VCL: variants seen among roughly 807,000 people sequenced by gnomAD.
The protein encoded by VCL is epididymis luminal protein 114.
A neutral mutation model predicts 125.7 loss-of-function variants in VCL; 47 were observed. The ratio of observed to expected loss-of-function variants is 0.37; its 90% confidence interval spans 0.30 to 0.48. The LOEUF is 0.48. VCL is among the 20% of genes least tolerant of loss of function. The pLI is 0.99. For synonymous variants in VCL, 458 were observed against 514.6 expected, an observed-to-expected ratio of 0.89 and a Z score of 1.49; for missense variants, 1,069 against 1,455.5, an observed-to-expected ratio of 0.73 and a Z score of 4.32.
chr10:74,090,317 A>G, intron 10 of VCL, 119 bp downstream of exon 10: 1 of 1,122,226 alleles, frequency 8.9e-7, no homozygotes, highest in Middle Eastern at 2.8e-4. Context: ...CCCCTAGGTT[A>G]AATGCACTTA....
chr10:74,107,312 G>C lies in VCL; in HGVS notation c.2517G>C (p.Glu839Asp). 1 of 1,614,176 alleles carries C rather than the reference G, an allele frequency of 6.2e-7. No homozygotes were observed. Among genetic ancestry groups the C allele is most frequent in the Non-Finnish European group, 8.5e-7 (1 of 1,180,038 alleles). ...AKVREAFQPQ[E>D]PDFPPPPPDL... The stretch of plus-strand genomic sequence containing the variant: ...TCAGAGAAGCCTTCCAACCTCAGGA[G>C]CCTGACTTCCCGCCGCCTCCACCAG... Residue 839 changes from glutamate to aspartate, a missense_variant, in exon 17 of 22, where the codon GAG (glutamate) becomes GAC (aspartate). By Grantham distance (45) the Glu-to-Asp change is conservative. Transcript: ENST00000211998.
intron 1 of VCL, among the ~76,000 whole-genome samples, chr10:74,024,127 C>G (rs1840726087): frequency 6.6e-6 from 1 of 152,066 alleles, no homozygotes; most frequent in East Asian, 1.9e-4. Flanking sequence ...TAATATTCTG[C>G]CTGTGGCTGC....
At chr10:74,045,540 T>C (rs1016889474) in intron 2 of VCL, among the ~76,000 whole-genome samples, 1 of 151,642 alleles carries the variant, frequency 6.6e-6, no homozygotes, top group Non-Finnish European at 1.5e-5. Flanking sequence ...GGAGAATCAC[T>C]TGAATCCGGG....
intron 6 of VCL, 30 bp from the exon 7 acceptor site, chr10:74,082,424 G>A (rs768315125): frequency 6.2e-7 from 1 of 1,612,902 alleles, no homozygotes; most frequent in Admixed American, 1.7e-5. Flanking sequence ...CTTTTGCAAA[G>A]AAAATAATGG....
At chr10:74,104,372 C>G (rs977022636) in intron 15 of VCL, among the ~76,000 whole-genome samples, 1 of 152,112 alleles carries the variant, frequency 6.6e-6, no homozygotes, top group Non-Finnish European at 1.5e-5. Context: ...TTATCAACTA[C>G]GTAGTTTTTT....
chr10:74,001,524 A>C (rs1216208243), intron 1 of VCL, among the ~76,000 whole-genome samples: 2 of 152,136 alleles, frequency 1.3e-5, no homozygotes, highest in Non-Finnish European at 2.9e-5. Flanking sequence ...GGATCACTCA[A>C]TAAATATTGT....
At chr10:74,066,047 G>GTATATATATATA (rs143197525) in intron 2 of VCL, among the ~76,000 whole-genome samples, 2,137 of 133,104 alleles carry the variant, frequency 0.016, 24 homozygotes, top group African/African-American at 0.026. Flanking sequence ...ATCAATTTTG[G>GTATATATATATA]TATATATATA....
chr10:74,094,668 C>T (rs113841960), intron 11 of VCL, among the ~76,000 whole-genome samples: 44 of 152,270 alleles, frequency 2.9e-4, no homozygotes, highest in African/African-American at 1.0e-3. Flanking sequence ...TGTTTGTAAT[C>T]CAAGTGCTTT....
At chr10:74,102,252 AATTG>A (rs1405171325) in intron 14 of VCL, among the ~76,000 whole-genome samples, 4 of 148,314 alleles carry the variant, frequency 2.7e-5, no homozygotes, top group African/African-American at 5.0e-5. Flanking sequence ...TTTTTTTTTA[AATTG>A]ATCTGTTTCT....
intron 1 of VCL, among the ~76,000 whole-genome samples, chr10:74,011,773 T>C (rs1840440908): frequency 6.6e-6 from 1 of 152,156 alleles, no homozygotes; most frequent in Non-Finnish European, 1.5e-5. Flanking sequence ...AACTTTTAGA[T>C]TCCAAAAAAT....
At position 74,097,435 on chromosome 10, in the gene VCL, T is replaced by C. The variant is rs922954390; in HGVS notation, c.1872+103T>C. On this transcript the variant is annotated intron_variant, in intron 13 of 21. Transcript: ENST00000211998. This position sits in a 1 kb window ranked among gnomAD's most constrained non-coding sequence, Gnocchi z 4.1. ...ACATCAGGATCAGTGGTTGGGAAACTGTAGATGAAGGGTGGAAGAGCAGAA... is the reference window on the plus strand; with the variant it reads ...ACATCAGGATCAGTGGTTGGGAAACCGTAGATGAAGGGTGGAAGAGCAGAA... 4 of 1,546,688 alleles carry C rather than the reference T, an allele frequency of 2.6e-6. No homozygotes were observed. Among genetic ancestry groups the C allele is most frequent in the Non-Finnish European group, 3.5e-6 (4 of 1,137,700 alleles).
In VCL at chr10:74,114,241, C is replaced by T. The variant is rs753166628; in HGVS notation, c.3007C>T (p.Arg1003Trp). 1.9e-6 allele frequency: 3 copies of T among 1,613,900 alleles called. No individual in the cohort carries two copies. Among genetic ancestry groups the T allele is most frequent in the Admixed American group, 1.7e-5 (1 of 59,984 alleles). ...RMALLMAEMS[R>W]LVRGGSGTKR... ...GGCTCTGCTGATGGCTGAGATGTCT[C>T]GGCTGGTAAGAGGGGGCAGTGGTAC... The change falls in exon 20 of 22, where the codon CGG (arginine) becomes TGG (tryptophan). Residue 1003 changes from arginine (R) to tryptophan (W), a missense_variant. Around this residue, in one of 6 missense-constraint regions of VCL, gnomAD observed 91 missense variants for 203.9 expected, o/e 0.45. Coordinates refer to ENST00000211998, the MANE Select transcript of VCL (RefSeq NM_014000.3).
chr10:74,108,600 T>C (rs1266022798), intron 17 of VCL, among the ~76,000 whole-genome samples: 1 of 152,044 alleles, frequency 6.6e-6, no homozygotes, highest in African/African-American at 2.4e-5. Context: ...CTGCCTCAGC[T>C]TCTTGAGTAG....
At position 74,118,796 on chromosome 10, in the gene VCL, A is replaced by G. The variant is rs1477100275; in HGVS notation, c.*627A>G. 6.2e-6 allele frequency: 1 copy of G among 161,998 alleles called. No individual in the cohort carries two copies. Among genetic ancestry groups the G allele is most frequent in the Admixed American group, 5.7e-5 (1 of 17,602 alleles). The allele number at this position is 161,998 out of a possible 1,614,324, so 10.0% of individuals were successfully genotyped here. On this transcript the variant is annotated 3_prime_UTR_variant, in exon 22 of 22. Coordinates refer to ENST00000211998, the MANE Select transcript of VCL (RefSeq NM_014000.3). The stretch of plus-strand genomic sequence containing the variant: ...TGCCCTTCCTCAGTTTAATCCTTCT[A>G]GTTTCCCACAATATAAAACTGTACT...
intron 1 of VCL, among the ~76,000 whole-genome samples, chr10:74,026,469 C>T (rs982717359): frequency 2.6e-5 from 4 of 152,132 alleles, no homozygotes; most frequent in Admixed American, 6.6e-5. Context: ...TGGAACCCAC[C>T]GCATGGGGGA....
In VCL at chr10:74,070,960, GA is replaced by G; in HGVS notation, c.391-12del. 1 of 1,613,912 alleles carries G rather than the reference GA, an allele frequency of 6.2e-7. No homozygotes were observed. The highest frequency in any genetic ancestry group is 8.5e-7 in the Non-Finnish European group (1 of 1,179,840). The stretch of plus-strand genomic sequence containing the variant: ...GTCCACCCATGTGATTGAATACTCT[GA>G]AATATTTTTTCAGGTCCGTAAAATT... On this transcript the variant is annotated splice_polypyrimidine_tract_variant and intron_variant, in intron 3 of 21. Coordinates refer to ENST00000211998, the MANE Select transcript of VCL (RefSeq NM_014000.3).
At chr10:74,039,841 G>T (rs1841060523) in intron 1 of VCL, among the ~76,000 whole-genome samples, 1 of 152,170 alleles carries the variant, frequency 6.6e-6, no homozygotes, top group South Asian at 2.1e-4. Flanking sequence ...GCCTCCTATT[G>T]TACTGATAAA....
rs1316504120 is a variant in VCL at position 74,036,312 on chromosome 10, C to T, written c.169-6771C>T. Among the ~76,000 whole-genome samples, 3 of 152,196 alleles carry T rather than the reference C, an allele frequency of 2.0e-5. No individual in the cohort carries two copies. In the South Asian group the frequency reaches 6.2e-4, roughly 32 times the overall value. Reference sequence around the variant, plus strand: ...CTGCCTCCCAGGTTCAAGTGATTCTCCTGTCTCACCCTCCCGAGTAGCTGG... The same window carrying T: ...CTGCCTCCCAGGTTCAAGTGATTCTTCTGTCTCACCCTCCCGAGTAGCTGG... On this transcript the variant is annotated intron_variant, in intron 1 of 21. Transcript: ENST00000211998.
chr10:74,016,172 T>G (rs1048314663), intron 1 of VCL, among the ~76,000 whole-genome samples: 2 of 152,174 alleles, frequency 1.3e-5, no homozygotes, highest in African/African-American at 4.8e-5. Flanking sequence ...CCTTTGGATC[T>G]TTTTCAAAAT....
Sources: gnomAD v4.1 joint callset for allele counts (sites outside exome capture counted in the v4.1 genomes callset) on GRCh38, gnomAD v4.1.1 for gene constraint, gnomAD v4.1.1 regional missense constraint, Gnocchi (gnomAD v3.1) non-coding constraint, MANE v1.5 for transcripts, NCBI Gene and HGNC (gene_info 2026-07-23, HGNC 2026-07-21) for gene names.